RFX7: variants seen among roughly 807,000 people sequenced by gnomAD.
RFX7 encodes DNA-binding protein RFX7.
RFX7 carries 26 observed loss-of-function variants against 111.8 expected under a neutral mutation model. That is an observed-to-expected ratio of 0.23 (90% CI 0.17 to 0.32). The LOEUF (loss-of-function observed/expected upper bound fraction) is 0.32, where lower values mean the gene tolerates loss of function less well. Among genes scored for constraint, RFX7 ranks in the 10% least tolerant of loss-of-function variants. The pLI is 1.00. For synonymous variants in RFX7, 624 were observed against 624.4 expected (o/e 1.00, Z 0.01); for missense variants, 1,573 against 1,772.9 (o/e 0.89, Z 2.02).
intron 5 of RFX7, among the ~76,000 whole-genome samples, chr15:56,141,541 T>C (rs1347673763): frequency 1.3e-5 from 2 of 151,442 alleles, no homozygotes; most frequent in African/African-American, 4.9e-5. Context: ...CAACATATCA[T>C]ACAAGTTTAC....
chr15:56,096,964 G>A (rs540646511), intron 9 of RFX7, among the ~76,000 whole-genome samples: 2 of 152,278 alleles, frequency 1.3e-5, no homozygotes, highest in Non-Finnish European at 2.9e-5. Flanking sequence ...CAACTGTAAA[G>A]GTTACCTACC....
chr15:56,110,245 CCGCCCCG>C (rs2041900126), intron 5 of RFX7, among the ~76,000 whole-genome samples: 2 of 108,336 alleles, frequency 1.8e-5, no homozygotes, highest in Non-Finnish European at 4.1e-5. Flanking sequence ...GCCCGGCCAG[CCGCCCCG>C]TCCGGGAGGG....
intron 2 of RFX7, among the ~76,000 whole-genome samples, chr15:56,225,990 G>GA (rs1171148632): frequency 6.6e-5 from 10 of 151,728 alleles, no homozygotes; most frequent in Admixed American, 2.0e-4. Flanking sequence ...GGAAGACAGA[G>GA]AAAAAATATA....
chr15:56,153,816 A>G (rs1286062596), intron 3 of RFX7, among the ~76,000 whole-genome samples: 1 of 152,168 alleles, frequency 6.6e-6, no homozygotes, highest in African/African-American at 2.4e-5. Context: ...GACAAAGCAT[A>G]AAGGGTATTC....
At chr15:56,169,326 G>A (rs1308178500) in intron 3 of RFX7, among the ~76,000 whole-genome samples, 2 of 152,124 alleles carry the variant, frequency 1.3e-5, no homozygotes, top group East Asian at 1.9e-4. Context: ...TCCATATGGT[G>A]AGCATTTATT....
intron 5 of RFX7, among the ~76,000 whole-genome samples, chr15:56,140,935 C>G (rs2042383947): frequency 6.6e-6 from 1 of 151,204 alleles, no homozygotes; most frequent in South Asian, 2.1e-4. Flanking sequence ...AGCATGCTCT[C>G]TCTAAGGTAT....
At chr15:56,208,620 A>C (rs2043279731) in intron 2 of RFX7, among the ~76,000 whole-genome samples, 1 of 152,216 alleles carries the variant, frequency 6.6e-6, no homozygotes, top group Non-Finnish European at 1.5e-5. Flanking sequence ...CCAGGAATTT[A>C]AAATGATTAT....
chr15:56,182,995 A>G (rs576564640), intron 2 of RFX7, among the ~76,000 whole-genome samples: 1 of 152,228 alleles, frequency 6.6e-6, no homozygotes, highest in African/African-American at 2.4e-5. Context: ...TTGCATATAT[A>G]TGCCATTTAT....
intron 2 of RFX7, among the ~76,000 whole-genome samples, chr15:56,183,266 TTAA>T (rs2042996251): frequency 6.6e-6 from 1 of 152,116 alleles, no homozygotes; most frequent in African/African-American, 2.4e-5. Flanking sequence ...TTTAACTTTG[TTAA>T]TAACTTTTAT....
intron 5 of RFX7, among the ~76,000 whole-genome samples, chr15:56,119,776 CAAAAA>C (rs1207159378): frequency 1.5e-5 from 1 of 65,272 alleles, no homozygotes; most frequent in Admixed American, 1.7e-4. Flanking sequence ...CACTGTGTCT[CAAAAA>C]AAAAAAAAAA....
rs2041654892 is a variant in RFX7, at chr15:56,095,137, A to G, written c.2591T>C (p.Phe864Ser). ...QLPLQSELKE[F>S]EPSVSQTNES... ...ATTTGTCTGGGAAACAGAAGGCTCA[A>G]ACTCCTTCAGTTCAGATTGCAGAGG... The change falls in exon 10 of 10, where the codon TTT (phenylalanine) becomes TCT (serine). Residue 864 changes from phenylalanine to serine, a missense_variant. By Grantham distance (155) the Phe-to-Ser change is radical. This residue lies in a region of RFX7 where 625 missense variants were observed against 632.2 expected (regional missense o/e 0.99). Transcript: ENST00000559447. 1 of 1,613,936 alleles carries G rather than the reference A, an allele frequency of 6.2e-7. No homozygotes were observed. Among genetic ancestry groups the G allele is most frequent in the Non-Finnish European group, 8.5e-7 (1 of 1,179,818 alleles).
At chr15:56,137,904 T>C (rs1162061540) in intron 5 of RFX7, among the ~76,000 whole-genome samples, 1 of 152,066 alleles carries the variant, frequency 6.6e-6, no homozygotes, top group African/African-American at 2.4e-5. Context: ...GGTTGTTCAG[T>C]TTCCATGTAG....
chr15:56,236,057 C>T (rs2043619651), intron 2 of RFX7, among the ~76,000 whole-genome samples: 1 of 151,968 alleles, frequency 6.6e-6, no homozygotes, highest in South Asian at 2.1e-4. Context: ...AGTTTGTGCT[C>T]AGTTACGAGG....
At chr15:56,152,196 A>G (rs1464981543) in intron 3 of RFX7, among the ~76,000 whole-genome samples, 3 of 152,230 alleles carry the variant, frequency 2.0e-5, no homozygotes, top group Non-Finnish European at 4.4e-5. Context: ...CTCTGGACCA[A>G]GTGGACCTAA....
chr15:56,212,722 A>C (rs1392538307), intron 2 of RFX7, among the ~76,000 whole-genome samples: 1 of 152,184 alleles, frequency 6.6e-6, no homozygotes, highest in Non-Finnish European at 1.5e-5. Context: ...GCTTTAGTGT[A>C]AAAAAACATT....
chr15:56,209,727 G>A (rs1265957581), intron 2 of RFX7, among the ~76,000 whole-genome samples: 2 of 152,050 alleles, frequency 1.3e-5, no homozygotes, highest in African/African-American at 2.4e-5. Context: ...TACCTGTGAA[G>A]CAGTATGACG....
chr15:56,108,006 G>C (rs2041854943), intron 5 of RFX7, among the ~76,000 whole-genome samples: 1 of 152,116 alleles, frequency 6.6e-6, no homozygotes, highest in African/African-American at 2.4e-5. Context: ...ACTAAACCAG[G>C]AAGAAGTTGA....
At chr15:56,236,269 G>A (rs1362629225) in intron 2 of RFX7, among the ~76,000 whole-genome samples, 1 of 152,120 alleles carries the variant, frequency 6.6e-6, no homozygotes, top group African/African-American at 2.4e-5. Flanking sequence ...ATGTTTTAAG[G>A]TATTTATTTA....
chr15:56,116,106 A>G (rs921045916), intron 5 of RFX7, among the ~76,000 whole-genome samples: 2 of 152,194 alleles, frequency 1.3e-5, no homozygotes, highest in African/African-American at 2.4e-5. Context: ...TCCAGATCCA[A>G]TTATACTACA....
Sources: gnomAD v4.1 joint callset for allele counts (sites outside exome capture counted in the v4.1 genomes callset) on GRCh38, gnomAD v4.1.1 for gene constraint, gnomAD v4.1.1 regional missense constraint, MANE v1.5 for transcripts, NCBI Gene and HGNC (gene_info 2026-07-23, HGNC 2026-07-21) for gene names.